The following OR51E2 variants were observed in gnomAD, a reference collection of about 807,000 sequenced individuals.
The protein encoded by OR51E2 is olfactory receptor family 51 subfamily E member 2.
A neutral mutation model predicts 13.7 loss-of-function variants in OR51E2; 14 were observed. That is an observed-to-expected ratio of 1.02 (90% confidence interval 0.68 to 1.60). The LOEUF (loss-of-function observed/expected upper bound fraction) is 1.60. OR51E2 is among the 40% of genes most tolerant of loss of function. OR51E2 has a pLI of 0.00. For synonymous variants in OR51E2, 180 were observed against 157.6 expected, an observed-to-expected ratio of 1.14 and a Z score of -1.07; for missense variants, 483 against 413.8, an observed-to-expected ratio of 1.17 and a Z score of -1.45.
At chr11:4,694,047 G>T (rs1847621123) in intron 1 of OR51E2, among the ~76,000 whole-genome samples, 1 of 152,140 alleles carries the variant, frequency 6.6e-6, no homozygotes, top group Non-Finnish European at 1.5e-5. Flanking sequence ...CAATATCTGA[G>T]TTGTAATTTT....
intron 1 of OR51E2, among the ~76,000 whole-genome samples, chr11:4,695,189 A>G (rs779829484): frequency 6.6e-6 from 1 of 152,190 alleles, no homozygotes; most frequent in Non-Finnish European, 1.5e-5. Context: ...CATTTCTAAC[A>G]TTTTATTCAC....
intron 1 of OR51E2, chr11:4,691,320 A>G (rs1488244617): frequency 4.4e-6 from 2 of 457,438 alleles, no homozygotes. Context: ...GGGATTAGAG[A>G]CGGCCACAAA....
In OR51E2 at chr11:4,682,052, T is replaced by C; in HGVS notation, c.660A>G (p.Ile220Met). 1 of 1,614,232 alleles carries C rather than the reference T, an allele frequency of 6.2e-7. No homozygotes were observed. The highest frequency in any genetic ancestry group is 8.5e-7 in the Non-Finnish European group (1 of 1,180,040). Residue 220 changes from isoleucine to methionine, a missense_variant, in exon 2 of 2, where the codon ATA becomes ATG. Physicochemically the swap from Ile to Met is conservative, Grantham distance 10 (BLOSUM62 1). Transcript: ENST00000396950. ...VMFISLSYFLIIRTVLQLPSK... is the reference protein window; with the variant it reads ...VMFISLSYFLMIRTVLQLPSK... ...AAGGCAGTTGCAGAACCGTTCGTAT[T>C]ATCAGAAAATAGGACAAGGAGATGA...
chr11:4,688,336 G>A (rs1207711159), intron 1 of OR51E2, among the ~76,000 whole-genome samples: 3 of 152,084 alleles, frequency 2.0e-5, no homozygotes, highest in Non-Finnish European at 2.9e-5. Flanking sequence ...TGTAAGTCAC[G>A]TGGGTCTCTG....
intron 1 of OR51E2, among the ~76,000 whole-genome samples, chr11:4,686,070 T>C (rs1847512331): frequency 6.6e-6 from 1 of 152,190 alleles, no homozygotes; most frequent in South Asian, 2.1e-4. Flanking sequence ...ATTCATTCAT[T>C]GTGTAATAAG....
chr11:4,697,417 T>A (rs946769533), intron 1 of OR51E2, among the ~76,000 whole-genome samples: 1 of 152,230 alleles, frequency 6.6e-6, no homozygotes, highest in Non-Finnish European at 1.5e-5. Context: ...ATCAGCACAC[T>A]GATTAAACCA....
At chr11:4,684,260 C>A (rs1847490571) in intron 1 of OR51E2, among the ~76,000 whole-genome samples, 1 of 152,152 alleles carries the variant, frequency 6.6e-6, no homozygotes. Context: ...AATATTAAAT[C>A]CCATATTTGG....
At chr11:4,695,882 T>G (rs1487842445) in intron 1 of OR51E2, among the ~76,000 whole-genome samples, 2 of 152,186 alleles carry the variant, frequency 1.3e-5, no homozygotes, top group African/African-American at 4.8e-5. Flanking sequence ...CTTCTTTTCT[T>G]GCTTTTCATA....
In OR51E2 at chr11:4,682,496, T is replaced by C. The variant is rs559781305; in HGVS notation, c.216A>G (p.Leu72=). 1.5e-5 allele frequency: 25 copies of C among 1,614,154 alleles called. No individual in the cohort carries two copies. The highest frequency in any genetic ancestry group is 1.6e-4 in the Middle Eastern group (1 of 6,062). ...GGATCTTAGGCATGGTGGATGTGGA[T>C]AAGGCCAGGTCAATGGCTGCAAGCA... is the stretch of plus-strand genomic sequence containing the variant. ...LCMLAAIDLA[L]STSTMPKILA... Residue 72 remains leucine (L), a synonymous_variant, in exon 2 of 2, where the codon TTA becomes TTG. Coordinates refer to ENST00000396950, the MANE Select transcript of OR51E2 (RefSeq NM_030774.4).
chr11:4,695,316 A>G (rs1320610106), intron 1 of OR51E2, among the ~76,000 whole-genome samples: 1 of 152,176 alleles, frequency 6.6e-6, no homozygotes, highest in Non-Finnish European at 1.5e-5. Flanking sequence ...GTTTAGTGCC[A>G]TTGGTTGCTT....
intron 1 of OR51E2, among the ~76,000 whole-genome samples, chr11:4,695,487 C>T (rs1054167260): frequency 7.2e-5 from 11 of 152,046 alleles, no homozygotes; most frequent in Admixed American, 6.6e-4. Flanking sequence ...AGACATAAGC[C>T]CTGTTTCTCT....
chr11:4,692,239 A>C (rs1847591089), intron 1 of OR51E2: 5 of 416,628 alleles, frequency 1.2e-5, no homozygotes, highest in Non-Finnish European at 1.4e-5. Context: ...ATTATAATAC[A>C]AAGTAACACA....
At chr11:4,694,519 T>C (rs1009204645) in intron 1 of OR51E2, among the ~76,000 whole-genome samples, 9 of 141,646 alleles carry the variant, frequency 6.4e-5, no homozygotes, top group East Asian at 2.2e-4. Context: ...CATATATATA[T>C]ATACACACAC....
chr11:4,681,091 C>G lies in OR51E2; in HGVS notation c.*658G>C, dbSNP rs1173928819. Reference sequence around the variant, plus strand: ...CACAGGCCGGGCACAGTGGTTCACACCTGTAATCCCAACACTTTGGGAGGC... The same window carrying G: ...CACAGGCCGGGCACAGTGGTTCACAGCTGTAATCCCAACACTTTGGGAGGC... On this transcript the variant is annotated 3_prime_UTR_variant, in exon 2 of 2. Transcript: ENST00000396950. 6.4e-6 allele frequency: 1 copy of G among 155,758 alleles called. No homozygotes were observed. The highest frequency in any genetic ancestry group is 1.4e-5 in the Non-Finnish European group (1 of 70,832). The allele number at this position is 155,758 out of a possible 1,614,324, so 9.6% of individuals were successfully genotyped here. A position where few individuals can be genotyped will look rare whatever the true frequency, so the allele number is the denominator to read the frequency against.
At position 4,688,728 on chromosome 11, in the gene OR51E2, G is replaced by A. The variant is rs931253209; in HGVS notation, c.-50-5967C>T. Among the ~76,000 whole-genome samples, 3 of 152,314 alleles carry A rather than the reference G, an allele frequency of 2.0e-5. No homozygotes were observed. The South Asian group carries it at 6.2e-4, about 32-fold the overall frequency. On this transcript the variant is annotated intron_variant, in intron 1 of 1. Coordinates refer to ENST00000396950, the MANE Select transcript of OR51E2 (RefSeq NM_030774.4). ...GTCCAAGATGATGGCTTGCATCACA[G>A]TGGTAGCAGTAGAGATGGTATAAAT...
intron 1 of OR51E2, among the ~76,000 whole-genome samples, chr11:4,686,315 A>C (rs1847515096): frequency 6.6e-6 from 1 of 152,232 alleles, no homozygotes; most frequent in African/African-American, 2.4e-5. Flanking sequence ...ATCATGAAAG[A>C]AACAGAATTT....
intron 1 of OR51E2, among the ~76,000 whole-genome samples, chr11:4,689,829 G>T (rs528632561): frequency 6.6e-6 from 1 of 152,000 alleles, no homozygotes; most frequent in Admixed American, 6.5e-5. Flanking sequence ...TATCTGTAAG[G>T]TATGAAGATT....
intron 1 of OR51E2, among the ~76,000 whole-genome samples, chr11:4,693,192 A>G (rs2133252285): frequency 6.6e-6 from 1 of 152,356 alleles, no homozygotes; most frequent in East Asian, 1.9e-4. Context: ...GCATACATGT[A>G]TAACAACATC....
intron 1 of OR51E2, among the ~76,000 whole-genome samples, chr11:4,685,340 T>C (rs1248096970): frequency 6.6e-6 from 1 of 152,174 alleles, no homozygotes; most frequent in Non-Finnish European, 1.5e-5. Flanking sequence ...CTCGACAATC[T>C]GCTCCCACTT....
Sources: allele counts gnomAD v4.1 joint callset (sites outside exome capture counted in the v4.1 genomes callset), GRCh38; gene constraint gnomAD v4.1.1; transcripts MANE v1.5; gene names NCBI Gene and HGNC (gene_info 2026-07-23, HGNC 2026-07-21).